WWC1: variants seen among roughly 807,000 people sequenced by gnomAD.
WWC1 encodes the protein protein KIBRA.
Under a neutral mutation model 138.4 loss-of-function variants are expected in WWC1, and 55 were observed. The ratio of observed to expected loss-of-function variants is 0.40; its 90% CI spans 0.32 to 0.50. WWC1 has a LOEUF of 0.50. Ranked by LOEUF, WWC1 falls within the 20% of genes least tolerant of loss-of-function variation. The pLI, the probability that WWC1 is intolerant of heterozygous loss-of-function variation, is 0.72. For missense variants in WWC1, 1,226 were observed against 1,420.4 expected, an observed-to-expected ratio of 0.86 and a Z score of 2.20; for synonymous variants, 524 against 564.9, an observed-to-expected ratio of 0.93 and a Z score of 1.03.
At chr5:168,457,224 G>A (rs1266485543) in intron 19 of WWC1, among the ~76,000 whole-genome samples, 1 of 148,752 alleles carries the variant, frequency 6.7e-6, no homozygotes, top group East Asian at 2.0e-4. Context: ...TCAAGCTTAG[G>A]TCTTTTTGTA....
At chr5:168,427,948 C>A in intron 11 of WWC1, 85 bp from the exon 12 acceptor site, 2 of 1,132,282 alleles carry the variant, frequency 1.8e-6, no homozygotes, top group East Asian at 2.5e-5. Context: ...ATGAGTGAGA[C>A]CCTGCCTCAA....
chr5:168,449,026 A>G (rs541841304), intron 17 of WWC1, among the ~76,000 whole-genome samples: 1 of 152,266 alleles, frequency 6.6e-6, no homozygotes, highest in Admixed American at 6.5e-5. Flanking sequence ...AATTAAGCAT[A>G]TGTACATTTT....
chr5:168,413,765 C>A (rs1780391442), intron 8 of WWC1, among the ~76,000 whole-genome samples: 1 of 152,220 alleles, frequency 6.6e-6, no homozygotes, highest in African/African-American at 2.4e-5. Flanking sequence ...TGGTCCAGAA[C>A]TGTCAGTGAC....
intron 1 of WWC1, among the ~76,000 whole-genome samples, chr5:168,364,074 T>C (rs1776100617): frequency 6.6e-6 from 1 of 152,120 alleles, no homozygotes; most frequent in Non-Finnish European, 1.5e-5. Flanking sequence ...GTCCCGGCAC[T>C]AGATACTGTA....
intron 19 of WWC1, among the ~76,000 whole-genome samples, chr5:168,457,140 A>ATTTT (rs34063177): frequency 8.4e-5 from 10 of 119,496 alleles, no homozygotes; most frequent in East Asian, 7.4e-4. Context: ...TAGAAAGGGC[A>ATTTT]TTTTTTTTTT....
chr5:168,444,515 G>T lies in WWC1; in HGVS notation c.2455G>T (p.Glu819Ter). 6.3e-7 allele frequency: 1 copy of T among 1,593,598 alleles called. No individual in the cohort carries two copies. Among genetic ancestry groups the T allele is most frequent in the Non-Finnish European group, 8.6e-7 (1 of 1,169,020 alleles). The change falls in exon 17 of 23, where the codon GAA becomes TAA. Residue 819 changes from glutamate to a stop codon, truncating the protein, a stop_gained. Coordinates refer to ENST00000265293, the MANE Select transcript of WWC1 (RefSeq NM_015238.3). LOFTEE classifies it high-confidence loss of function. Reference protein sequence around the residue: ...ASTDAVSALLEQTAVELEKRQ... With the variant: ...ASTDAVSALL ...ATAGGACGCTGTGTCTGCTCTGTTGGAACAGACAGCAGTGGAGCTGGAGAA... is the reference window on the plus strand; with the variant it reads ...ATAGGACGCTGTGTCTGCTCTGTTGTAACAGACAGCAGTGGAGCTGGAGAA...
chr5:168,439,780 G>A (rs1178439399), intron 15 of WWC1, among the ~76,000 whole-genome samples: 1 of 152,178 alleles, frequency 6.6e-6, no homozygotes, highest in Non-Finnish European at 1.5e-5. Context: ...AGGGTAAAAT[G>A]CATTTATATT....
At chr5:168,304,430 C>T (rs6555796) in intron 1 of WWC1, among the ~76,000 whole-genome samples, 55,108 of 152,042 alleles carry the variant, frequency 0.36, 10,243 homozygotes, top group East Asian at 0.5. Flanking sequence ...ATAAAACAAA[C>T]ATTTACCAGC....
intron 1 of WWC1, among the ~76,000 whole-genome samples, chr5:168,329,009 T>G (rs935151335): frequency 1.3e-5 from 2 of 152,242 alleles, no homozygotes; most frequent in African/African-American, 4.8e-5. Context: ...ATTGAAAGAA[T>G]CAGCTTTTTC....
chr5:168,329,127 A>C (rs1262899505), intron 1 of WWC1, among the ~76,000 whole-genome samples: 1 of 152,122 alleles, frequency 6.6e-6, no homozygotes, highest in Non-Finnish European at 1.5e-5. Context: ...TCTTGGTGAT[A>C]TCTCAGTCAG....
intron 15 of WWC1, among the ~76,000 whole-genome samples, chr5:168,436,161 C>T (rs1782335865): frequency 1.3e-5 from 2 of 152,080 alleles, no homozygotes; most frequent in South Asian, 2.1e-4. Context: ...ATCTTTGTAC[C>T]GAGGGTGTGC....
At chr5:168,447,228 A>G (rs1183414757) in intron 17 of WWC1, among the ~76,000 whole-genome samples, 2 of 152,244 alleles carry the variant, frequency 1.3e-5, no homozygotes, top group African/African-American at 4.8e-5. Flanking sequence ...GAAACATTCA[A>G]TAACTCTTCC....
rs78893668 is a variant in WWC1 at position 168,449,944 on chromosome 5, G to A, written c.2526-4024G>A. ...GGAGAGCCAAGGCCCCTCCACAGCC[G>A]CAGTCCTCATCTAAGTACAGAAGAG... is the stretch of plus-strand genomic sequence containing the variant. On this transcript the variant is annotated intron_variant, in intron 17 of 22. Coordinates refer to ENST00000265293, the MANE Select transcript of WWC1 (RefSeq NM_015238.3). Among the ~76,000 whole-genome samples the A allele has an allele frequency of 4.2e-3, 639 of 152,302 alleles. 27 individuals carry two copies. The East Asian group carries it at 0.098, about 23-fold the overall frequency.
intron 4 of WWC1, among the ~76,000 whole-genome samples, chr5:168,398,827 AG>A (rs1242740086): frequency 7.2e-5 from 11 of 152,324 alleles, no homozygotes; most frequent in Non-Finnish European, 1.5e-4. Flanking sequence ...TTTGAACTCT[AG>A]TCCAGCCCAT....
At chr5:168,459,489 C>G (rs1276192822) in intron 19 of WWC1, among the ~76,000 whole-genome samples, 2 of 152,146 alleles carry the variant, frequency 1.3e-5, no homozygotes, top group South Asian at 4.1e-4. Flanking sequence ...TTCAACTATA[C>G]AAGCTTCTTA....
At chr5:168,338,354 A>G (rs67434695) in intron 1 of WWC1, among the ~76,000 whole-genome samples, 23,355 of 150,994 alleles carry the variant, frequency 0.15, 3,034 homozygotes, top group East Asian at 0.43. Flanking sequence ...TATAAATGCA[A>G]TGGGAGGCCA....
intron 13 of WWC1, 83 bp from the exon 14 acceptor site, chr5:168,430,054 T>A: frequency 8.8e-7 from 1 of 1,142,424 alleles, no homozygotes; most frequent in Non-Finnish European, 1.3e-6. Context: ...AACAGCCACG[T>A]CCTGTGACTT....
chr5:168,423,148 C>CT (rs373732656), intron 10 of WWC1, among the ~76,000 whole-genome samples: 20,117 of 106,186 alleles, frequency 0.19, 1,202 homozygotes, highest in South Asian at 0.34. Context: ...CCATCCCCCC[C>CT]CAAAAAAAAA....
At chr5:168,360,053 A>G (rs150778409) in intron 1 of WWC1, among the ~76,000 whole-genome samples, 1 of 152,322 alleles carries the variant, frequency 6.6e-6, no homozygotes, top group East Asian at 1.9e-4. Flanking sequence ...TTACAACTTT[A>G]TTGAGGAATT....
Sources: allele counts gnomAD v4.1 joint callset (sites outside exome capture counted in the v4.1 genomes callset), GRCh38; gene constraint gnomAD v4.1.1; transcripts MANE v1.5; gene names NCBI Gene and HGNC (gene_info 2026-07-23, HGNC 2026-07-21).